MADD: variants seen among roughly 807,000 people sequenced by gnomAD.
The protein encoded by MADD is MAP kinase-activating death domain protein.
In MADD, 109 loss-of-function variants were observed where a neutral mutation model predicts 176.7. The ratio of observed to expected loss-of-function variants is 0.62; its 90% confidence interval spans 0.53 to 0.72. The LOEUF is 0.72. MADD is among the 30% of genes least tolerant of loss of function. The pLI is 0.00. For synonymous variants in MADD, 771 were observed against 771.3 expected (o/e 1.00, Z 0.01); for missense variants, 1,914 against 2,045.5 (o/e 0.94, Z 1.24).
At chr11:47,297,719 T>G (rs201282857) in intron 22 of MADD, among the ~76,000 whole-genome samples, 8 of 151,868 alleles carry the variant, frequency 5.3e-5, no homozygotes, top group African/African-American at 1.9e-4. Context: ...GTGCTGGGAT[T>G]ACAGGCGTGA....
At chr11:47,285,238 T>G in intron 13 of MADD, 44 bp downstream of exon 13, 4 of 1,600,460 alleles carry the variant, frequency 2.5e-6, no homozygotes, top group Non-Finnish European at 3.4e-6. Context: ...CTGAAGGACC[T>G]CACCTCAGTG....
intron 5 of MADD, among the ~76,000 whole-genome samples, chr11:47,277,854 G>A (rs2051908348): frequency 6.6e-6 from 1 of 152,166 alleles, no homozygotes. Context: ...ATATGATCAA[G>A]CTGCAGTTTA....
At chr11:47,316,827 T>C (rs2093199127) in intron 27 of MADD, among the ~76,000 whole-genome samples, 1 of 152,022 alleles carries the variant, frequency 6.6e-6, no homozygotes, top group Non-Finnish European at 1.5e-5. Flanking sequence ...CACTGCAACC[T>C]CTGCCCCTTG....
chr11:47,320,786 C>T (rs1378824279), intron 27 of MADD, among the ~76,000 whole-genome samples: 1 of 151,808 alleles, frequency 6.6e-6, no homozygotes, highest in Non-Finnish European at 1.5e-5. Context: ...GCTAGGCATG[C>T]TAGTGCATGC....
intron 27 of MADD, among the ~76,000 whole-genome samples, chr11:47,319,587 G>T (rs996685179): frequency 6.6e-6 from 1 of 152,160 alleles, no homozygotes; most frequent in Non-Finnish European, 1.5e-5. Flanking sequence ...AACCAGTAAT[G>T]AAGAGTTTTA....
At chr11:47,326,427 C>T in intron 30 of MADD, 117 bp from the exon 34 acceptor site, 2 of 697,382 alleles carry the variant, frequency 2.9e-6, no homozygotes, top group South Asian at 4.7e-5. Flanking sequence ...CTTACAAGCA[C>T]TGCCCTGGGC....
chr11:47,320,433 C>T (rs950895911), intron 27 of MADD, among the ~76,000 whole-genome samples: 5 of 150,536 alleles, frequency 3.3e-5, no homozygotes, highest in African/African-American at 7.3e-5. Flanking sequence ...CCAGCCTGGG[C>T]GACAGAGCAA....
intron 15 of MADD, among the ~76,000 whole-genome samples, chr11:47,287,541 T>C (rs2061587444): frequency 6.6e-6 from 1 of 151,952 alleles, no homozygotes; most frequent in East Asian, 1.9e-4. Flanking sequence ...TCCCGTGTAG[T>C]TGGAATTATA....
chr11:47,316,616 C>G (rs2093094285), intron 27 of MADD, among the ~76,000 whole-genome samples: 1 of 151,994 alleles, frequency 6.6e-6, no homozygotes, highest in Non-Finnish European at 1.5e-5. Flanking sequence ...TCTCCAACTC[C>G]TGACCTCACT....
intron 22 of MADD, among the ~76,000 whole-genome samples, chr11:47,302,556 A>G (rs1349455259): frequency 1.3e-5 from 2 of 152,198 alleles, no homozygotes; most frequent in African/African-American, 4.8e-5. Flanking sequence ...TGATATAATT[A>G]TAGCTACTCT....
rs907534354 is a variant in MADD, at chr11:47,279,220, C to T, written c.1290+141C>T. On this transcript the variant is annotated intron_variant, in intron 7 of 32. Transcript: ENST00000402192. ...CACCCTGGATGGGCTTAAGAAAACG[C>T]GTATCCCATTTCTGGGTGGCAGAGT... 6.0e-5 allele frequency: 42 copies of T among 700,088 alleles called. No individual in the cohort carries two copies. In the East Asian group the frequency reaches 7.5e-4, roughly 12 times the overall value. The allele number at this position is 700,088 out of a possible 1,614,324, so 43.4% of individuals were successfully genotyped here. A position where few individuals can be genotyped will look rare whatever the true frequency, so the allele number is the denominator to read the frequency against.
At chr11:47,298,134 T>C (rs1565435780) in intron 22 of MADD, among the ~76,000 whole-genome samples, 1 of 152,194 alleles carries the variant, frequency 6.6e-6, no homozygotes, top group Non-Finnish European at 1.5e-5. Flanking sequence ...TAACCATGGA[T>C]CGTAAAAATT....
rs1354235647 is a variant in MADD at position 47,314,808 on chromosome 11, G to T, written c.4090-412G>T. 2.0e-5 allele frequency among the ~76,000 whole-genome samples: 3 copies of T among 152,194 alleles called. No homozygotes were observed. The East Asian group carries it at 5.8e-4, about 29-fold the overall frequency. On this transcript the variant is annotated intron_variant, in intron 26 of 32. Transcript: ENST00000402192. ...GGCAGATAGGAGAATGCAACTATTT[G>T]ATTCTAAGCCAAACATTAAAGAGAT...
At chr11:47,320,739 T>C (rs1016398018) in intron 27 of MADD, among the ~76,000 whole-genome samples, 2 of 151,868 alleles carry the variant, frequency 1.3e-5, no homozygotes, top group African/African-American at 4.8e-5. Context: ...CTGGGCAACA[T>C]AGGGAAACCC....
chr11:47,313,195 C>G (rs11039173), intron 26 of MADD, among the ~76,000 whole-genome samples: 1 of 152,158 alleles, frequency 6.6e-6, no homozygotes, highest in African/African-American at 2.4e-5. Context: ...AAAGACTTTT[C>G]TAATGAGATT....
chr11:47,282,270 C>T (rs41301449), intron 8 of MADD, 111 bp from the exon 9 acceptor site: 70,091 of 766,020 alleles, frequency 0.092, 3,587 homozygotes, highest in South Asian at 0.11. Flanking sequence ...TATCTCTCCC[C>T]TTGATGTTGG....
chr11:47,293,237 G>T (rs1394676304), intron 19 of MADD, among the ~76,000 whole-genome samples: 2 of 152,008 alleles, frequency 1.3e-5, no homozygotes, highest in African/African-American at 4.8e-5. Flanking sequence ...ATGGTTTCAG[G>T]TACCAGTGAA....
At chr11:47,310,042 A>G (rs1289334827) in intron 25 of MADD, among the ~76,000 whole-genome samples, 1 of 151,904 alleles carries the variant, frequency 6.6e-6, no homozygotes, top group Admixed American at 6.6e-5. Context: ...GGGTTTCACC[A>G]TGTTGGCCAG....
rs143584040 is a variant in MADD at position 47,323,898 on chromosome 11, C to G, written c.4362+63C>G. On this transcript the variant is annotated intron_variant, in intron 28 of 32. Coordinates refer to ENST00000402192, the Ensembl canonical transcript of MADD. The stretch of plus-strand genomic sequence containing the variant: ...ATTGAAGACCAAATAGTGAATTTCT[C>G]TTTGGGAAGTTAAAATTCCAAAACA... 2.3e-4 allele frequency: 355 copies of G among 1,549,444 alleles called. 2 individuals are homozygous for G. In the African/African-American group the frequency reaches 4.3e-3, roughly 19 times the overall value.
Sources: allele counts gnomAD v4.1 joint callset (sites outside exome capture counted in the v4.1 genomes callset), GRCh38; gene constraint gnomAD v4.1.1; transcripts MANE v1.5; gene names NCBI Gene and HGNC (gene_info 2026-07-23, HGNC 2026-07-21).